VANGL1: variants seen among roughly 807,000 people sequenced by gnomAD.
The protein encoded by VANGL1 is vang-like protein 1.
In VANGL1, 18 loss-of-function variants were observed where a neutral mutation model predicts 48.4. The observed-to-expected ratio is 0.37, with a 90% CI of 0.26 to 0.55. The LOEUF is 0.55. VANGL1 is among the 20% of genes least tolerant of loss of function. The pLI is 0.81. For synonymous variants in VANGL1, 257 were observed against 261.8 expected, an observed-to-expected ratio of 0.98 and a Z score of 0.18; for missense variants, 667 against 675.8, an observed-to-expected ratio of 0.99 and a Z score of 0.14.
Position 115,664,252 on chromosome 1 carries a change from A to G in VANGL1, c.796A>G (p.Ser266Gly), listed in dbSNP as rs1337096564. 1 of 1,613,938 alleles carries G rather than the reference A, an allele frequency of 6.2e-7. No homozygotes were observed. The highest frequency in any genetic ancestry group is 2.2e-5 in the East Asian group (1 of 44,870). The change falls in exon 4 of 8, where the codon AGC (serine) becomes GGC (glycine). Residue 266 changes from serine (S) to glycine (G), a missense_variant. By Grantham distance (56) the Ser-to-Gly change is moderately conservative. Coordinates refer to ENST00000355485, the MANE Select transcript of VANGL1 (RefSeq NM_138959.3). ...CACCGATGGCGAGTCCCGCTTCTAC[A>G]GCCTGGGACACCTGAGGTAAGAGGC... Reference protein sequence around the residue: ...RSTDGESRFYSLGHLSIQRAA... With the variant: ...RSTDGESRFYGLGHLSIQRAA...
intron 3 of VANGL1, among the ~76,000 whole-genome samples, chr1:115,662,218 C>T (rs772456704): frequency 1.1e-4 from 13 of 121,668 alleles, no homozygotes; most frequent in Non-Finnish European, 2.2e-4. Flanking sequence ...TTTCATAAAT[C>T]ATGGTTTTTT....
Position 115,691,466 on chromosome 1 carries a change from A to G in VANGL1, c.*87A>G, listed in dbSNP as rs1266362748. On this transcript the variant is annotated 3_prime_UTR_variant, in exon 8 of 8. Coordinates refer to ENST00000355485, the MANE Select transcript of VANGL1 (RefSeq NM_138959.3). ...ATGCCAGAGGGGTGTCTTTTTTAAA[A>G]ATTCTTCTTCATTGCTGACTGAAAC... 2 of 1,420,300 alleles carry G rather than the reference A, an allele frequency of 1.4e-6. No homozygotes were observed. Among genetic ancestry groups the G allele is most frequent in the Non-Finnish European group, 1.9e-6 (2 of 1,061,342 alleles). The allele number at this position is 1,420,300 out of a possible 1,614,324, so 88.0% of individuals were successfully genotyped here.
chr1:115,686,878 T>G (rs1388435874), intron 7 of VANGL1, among the ~76,000 whole-genome samples: 1 of 84,780 alleles, frequency 1.2e-5, no homozygotes, highest in East Asian at 2.8e-4. Context: ...TCAATGAGGA[T>G]AATAATAATA....
At chr1:115,678,370 C>G (rs1367124141) in intron 4 of VANGL1, among the ~76,000 whole-genome samples, 1 of 152,202 alleles carries the variant, frequency 6.6e-6, no homozygotes, top group East Asian at 1.9e-4. Context: ...AATGGCTGCT[C>G]CCTGCATCCT....
chr1:115,690,577 C>G (rs971826729), intron 7 of VANGL1, among the ~76,000 whole-genome samples: 6 of 152,240 alleles, frequency 3.9e-5, no homozygotes, highest in African/African-American at 1.4e-4. Context: ...AGCCCTGTGA[C>G]TTAGGTAGTG....
At chr1:115,663,627 T>G (rs775512283) in intron 3 of VANGL1, 34 bp from the exon 4 acceptor site, 3 of 1,613,860 alleles carry the variant, frequency 1.9e-6, no homozygotes, top group Non-Finnish European at 1.7e-6. Context: ...AAATGACCTG[T>G]GTCATGTCAT....
At chr1:115,663,482 AT>A (rs1168947918) in intron 3 of VANGL1, among the ~76,000 whole-genome samples, 178 bp from the exon 4 acceptor site, 1 of 152,230 alleles carries the variant, frequency 6.6e-6, no homozygotes, top group African/African-American at 2.4e-5. Context: ...CATTTTGAAA[AT>A]TTCAATGAAA....
At chr1:115,674,609 T>C (rs1653097296) in intron 4 of VANGL1, among the ~76,000 whole-genome samples, 1 of 152,200 alleles carries the variant, frequency 6.6e-6, no homozygotes, top group African/African-American at 2.4e-5. Flanking sequence ...ACGTGACATG[T>C]ATTTGGGGAA....
chr1:115,682,354 T>C lies in VANGL1; in HGVS notation c.813-10T>C, dbSNP rs1653425257. The C allele has an allele frequency of 6.2e-7, 1 of 1,614,044 alleles. No homozygotes were observed. The highest frequency in any genetic ancestry group is 2.2e-5 in the East Asian group (1 of 44,884). On this transcript the variant is annotated splice_polypyrimidine_tract_variant and intron_variant, in intron 4 of 7. Coordinates refer to ENST00000355485, the MANE Select transcript of VANGL1 (RefSeq NM_138959.3). Reference sequence around the variant, plus strand: ...AAAGCTTTGCATTAATTTTGTTCTTTTTTTCTCAGTATCCAGCGAGCAGCA... The same window carrying C: ...AAAGCTTTGCATTAATTTTGTTCTTCTTTTCTCAGTATCCAGCGAGCAGCA...
At chr1:115,648,115 G>T (rs771498835) in intron 1 of VANGL1, among the ~76,000 whole-genome samples, 1 of 152,176 alleles carries the variant, frequency 6.6e-6, no homozygotes, top group Non-Finnish European at 1.5e-5. Flanking sequence ...CAAATTGGAG[G>T]CTAGCCAGCT....
At position 115,664,001 on chromosome 1, in the gene VANGL1, T is replaced by C. The variant is rs1246050985; in HGVS notation, c.545T>C (p.Val182Ala). Residue 182 changes from valine (V) to alanine (A), a missense_variant, in exon 4 of 8, where the codon GTG becomes GCG. Val to Ala is a moderately conservative substitution (Grantham distance 64). Coordinates refer to ENST00000355485, the MANE Select transcript of VANGL1 (RefSeq NM_138959.3). ...AAGCGGAGAGCTGACATGCCACGGG[T>C]GTTTGTGTTTCGTGCCCTTTTGTTG... ...FRKRRADMPR[V>A]FVFRALLLVL... is the part of the protein sequence containing the mutation. 17 of 1,613,878 alleles carry C rather than the reference T, an allele frequency of 1.1e-5. No homozygotes were observed. The highest frequency in any genetic ancestry group is 1.4e-5 in the Non-Finnish European group (17 of 1,179,992).
chr1:115,650,715 A>G (rs1652106960), intron 1 of VANGL1, among the ~76,000 whole-genome samples: 1 of 152,066 alleles, frequency 6.6e-6, no homozygotes, highest in African/African-American at 2.4e-5. Context: ...GGGGGCATTC[A>G]GATTGTTTCT....
intron 1 of VANGL1, among the ~76,000 whole-genome samples, chr1:115,647,812 AG>A (rs1196866095): frequency 6.6e-6 from 1 of 152,206 alleles, no homozygotes; most frequent in Non-Finnish European, 1.5e-5. Flanking sequence ...AGAACAGGAC[AG>A]GATACTGGAG....
At chr1:115,684,955 A>C (rs908198773) in intron 6 of VANGL1, among the ~76,000 whole-genome samples, 4 of 152,204 alleles carry the variant, frequency 2.6e-5, no homozygotes, top group Non-Finnish European at 5.9e-5. Flanking sequence ...GAGGGGCCTC[A>C]GAACTCTTTT....
intron 4 of VANGL1, chr1:115,671,060 A>G (rs1310607732): frequency 1.3e-5 from 2 of 152,264 alleles, no homozygotes; most frequent in South Asian, 2.1e-4. Context: ...GCCAGCGGCT[A>G]CAGCTGGGAT....
At chr1:115,667,968 A>G (rs1652850976) in intron 4 of VANGL1, among the ~76,000 whole-genome samples, 1 of 152,252 alleles carries the variant, frequency 6.6e-6, no homozygotes, top group African/African-American at 2.4e-5. Flanking sequence ...AACCTTAACA[A>G]TAAACAATTA....
At chr1:115,655,222 G>T (rs1260706688) in intron 2 of VANGL1, among the ~76,000 whole-genome samples, 1 of 152,196 alleles carries the variant, frequency 6.6e-6, no homozygotes, top group East Asian at 1.9e-4. Flanking sequence ...GGAAAGGGAG[G>T]AGTAACCGGT....
intron 4 of VANGL1, among the ~76,000 whole-genome samples, chr1:115,670,400 G>A (rs996201791): frequency 6.6e-6 from 1 of 152,214 alleles, no homozygotes; most frequent in African/African-American, 2.4e-5. Flanking sequence ...TCCAGCTCAT[G>A]CATGCATCCT....
chr1:115,680,434 G>A (rs1007362754), intron 4 of VANGL1, among the ~76,000 whole-genome samples: 1 of 152,170 alleles, frequency 6.6e-6, no homozygotes, highest in Non-Finnish European at 1.5e-5. Flanking sequence ...ATGGAATGAC[G>A]AGTGAACAAC....
Sources: allele counts gnomAD v4.1 joint callset (sites outside exome capture counted in the v4.1 genomes callset), GRCh38; gene constraint gnomAD v4.1.1; transcripts MANE v1.5; gene names NCBI Gene and HGNC (gene_info 2026-07-23, HGNC 2026-07-21).